VPS50: variants seen among roughly 807,000 people sequenced by gnomAD.
The protein encoded by VPS50 is syndetin.
VPS50 carries 70 observed loss-of-function variants against 139.7 expected under a neutral mutation model. That is an observed-to-expected ratio of 0.50 (90% CI 0.41 to 0.61). VPS50 has a LOEUF of 0.61. VPS50 is among the 20% of genes least tolerant of loss of function. VPS50 has a pLI of 0.00. For missense variants in VPS50, 921 were observed against 1,133.7 expected (o/e 0.81, Z 2.69); for synonymous variants, 365 against 376.7 (o/e 0.97, Z 0.36).
intron 2 of VPS50, 129 bp from the exon 3 acceptor site, chr7:93,252,523 TG>T: frequency 1.6e-6 from 1 of 634,974 alleles, no homozygotes; most frequent in Non-Finnish European, 2.7e-6. Flanking sequence ...TTCTGATTTC[TG>T]TTGGTTTGTA....
chr7:93,306,397 T>C (rs1363110391), intron 18 of VPS50, among the ~76,000 whole-genome samples: 1 of 151,988 alleles, frequency 6.6e-6, no homozygotes, highest in East Asian at 1.9e-4. Context: ...TGATTCATTT[T>C]GTTCCATGTC....
At chr7:93,242,445 AAAT>A (rs1397901846) in intron 2 of VPS50, among the ~76,000 whole-genome samples, 1 of 151,836 alleles carries the variant, frequency 6.6e-6, no homozygotes, top group Non-Finnish European at 1.5e-5. Context: ...CATACTCTAG[AAAT>A]TATTTGGAAG....
intron 22 of VPS50, among the ~76,000 whole-genome samples, chr7:93,337,749 A>T (rs921664461): frequency 2.6e-5 from 4 of 152,120 alleles, no homozygotes; most frequent in African/African-American, 9.7e-5. Context: ...GTTTTTACTC[A>T]TAGAAGGAAA....
chr7:93,294,642 G>C lies in VPS50; in HGVS notation c.1167+6G>C. The C allele has an allele frequency of 6.4e-7, 1 of 1,566,048 alleles. No homozygotes were observed. The highest frequency in any genetic ancestry group is 8.6e-7 in the Non-Finnish European group (1 of 1,162,462). ...GACTTACACGAATATGGCAGGTTTG[G>C]TTTTTTTAAAATTATTTTTTTCACA... On this transcript the variant is annotated splice_donor_region_variant and intron_variant, in intron 14 of 27. Coordinates refer to ENST00000305866, the MANE Select transcript of VPS50 (RefSeq NM_017667.4).
At chr7:93,334,879 T>G (rs1188344091) in intron 22 of VPS50, among the ~76,000 whole-genome samples, 1 of 152,080 alleles carries the variant, frequency 6.6e-6, no homozygotes, top group Non-Finnish European at 1.5e-5. Flanking sequence ...GCCGGAAATT[T>G]ATGTTATTCA....
intron 21 of VPS50, 124 bp downstream of exon 21, chr7:93,323,856 A>C: frequency 2.4e-6 from 1 of 416,438 alleles, no homozygotes; most frequent in East Asian, 4.1e-5. Context: ...TGCATCAAAA[A>C]CAAAATTATT....
chr7:93,312,268 C>T (rs1797291033), intron 20 of VPS50, among the ~76,000 whole-genome samples: 1 of 152,132 alleles, frequency 6.6e-6, no homozygotes, highest in Non-Finnish European at 1.5e-5. Flanking sequence ...CTAAGCTTTT[C>T]TTCTTCTTCC....
At chr7:93,301,298 A>G (rs1445838657) in intron 16 of VPS50, among the ~76,000 whole-genome samples, 1 of 136,932 alleles carries the variant, frequency 7.3e-6, no homozygotes, top group Non-Finnish European at 1.6e-5. Context: ...CTCTGTCTTG[A>G]AAAAAAAAAA....
chr7:93,317,139 G>C (rs1797452153), intron 20 of VPS50, among the ~76,000 whole-genome samples: 1 of 152,068 alleles, frequency 6.6e-6, no homozygotes, highest in Admixed American at 6.5e-5. Context: ...AAGGCATGAG[G>C]GCCTATCAAG....
intron 21 of VPS50, among the ~76,000 whole-genome samples, chr7:93,330,777 A>AAC (rs1797915889): frequency 6.6e-6 from 1 of 151,104 alleles, no homozygotes; most frequent in African/African-American, 2.4e-5. Context: ...AAAAAAAAAA[A>AAC]AAAAACCCAA....
chr7:93,318,635 G>A (rs1255567901), intron 20 of VPS50, among the ~76,000 whole-genome samples: 1 of 152,114 alleles, frequency 6.6e-6, no homozygotes, highest in Non-Finnish European at 1.5e-5. Context: ...GCATCTATAT[G>A]TGGCACCTGG....
intron 2 of VPS50, among the ~76,000 whole-genome samples, chr7:93,245,672 C>T (rs985223944): frequency 6.6e-6 from 1 of 151,710 alleles, no homozygotes; most frequent in African/African-American, 2.4e-5. Flanking sequence ...AATCATTTTG[C>T]CCAAAACCTC....
At chr7:93,344,463 G>C (rs1798326476) in intron 23 of VPS50, among the ~76,000 whole-genome samples, 1 of 152,296 alleles carries the variant, frequency 6.6e-6, no homozygotes, top group South Asian at 2.1e-4. Context: ...ATTGAACTCA[G>C]CTCTGCATCA....
chr7:93,261,399 C>T (rs767156496), intron 9 of VPS50, among the ~76,000 whole-genome samples: 23 of 152,020 alleles, frequency 1.5e-4, no homozygotes, highest in African/African-American at 5.3e-4. Context: ...GGCTGTAGGC[C>T]GGGCGCGGTG....
chr7:93,255,243 C>A (rs1415379308), intron 4 of VPS50, among the ~76,000 whole-genome samples: 2 of 152,146 alleles, frequency 1.3e-5, no homozygotes, highest in African/African-American at 4.8e-5. Flanking sequence ...TGTTTTCCTG[C>A]AGTTAGACGG....
At chr7:93,256,697 G>T in intron 5 of VPS50, 135 bp downstream of exon 5, 1 of 526,944 alleles carries the variant, frequency 1.9e-6, no homozygotes, top group Non-Finnish European at 3.3e-6. Context: ...GTGTGTTTGT[G>T]TATATGTATG....
intron 9 of VPS50, among the ~76,000 whole-genome samples, chr7:93,263,677 A>G (rs933729193): frequency 2.6e-5 from 4 of 152,202 alleles, no homozygotes; most frequent in African/African-American, 9.6e-5. Flanking sequence ...AGGAAAAACA[A>G]TTTACATATT....
chr7:93,351,837 C>T lies in VPS50; in HGVS notation c.2464-1803C>T, dbSNP rs75570720. On this transcript the variant is annotated intron_variant, in intron 25 of 27. Transcript: ENST00000305866. ...AAAAGATTTCTGTGCTCAACAGATA[C>T]ACATGCTGTGAGGAGGCTGCTTGTT... 5.8e-3 allele frequency among the ~76,000 whole-genome samples: 886 copies of T among 152,314 alleles called. 8 individuals are homozygous for T. Among genetic ancestry groups the T allele is most frequent in the African/African-American group, 0.02 (827 of 41,580 alleles).
At chr7:93,260,277 C>T (rs1326556229) in intron 9 of VPS50, among the ~76,000 whole-genome samples, 1 of 152,126 alleles carries the variant, frequency 6.6e-6, no homozygotes, top group Non-Finnish European at 1.5e-5. Flanking sequence ...TGGGGAAGCT[C>T]TAATCCCTAG....
Sources: gnomAD v4.1 joint callset for allele counts (sites outside exome capture counted in the v4.1 genomes callset) on GRCh38, gnomAD v4.1.1 for gene constraint, MANE v1.5 for transcripts, NCBI Gene and HGNC (gene_info 2026-07-23, HGNC 2026-07-21) for gene names.